Variants in GABPB2 observed in about 807,000 individuals in gnomAD.
GABPB2 encodes GA binding protein transcription factor subunit beta 2.
Under a neutral mutation model 39.1 loss-of-function variants are expected in GABPB2, and 23 were observed. That is an observed-to-expected ratio of 0.59 (90% CI 0.42 to 0.83). The LOEUF is 0.83. GABPB2 is among the 40% of genes least tolerant of loss of function. GABPB2 has a pLI of 0.00. For missense variants in GABPB2, 467 were observed against 541.1 expected (o/e 0.86, Z 1.36); for synonymous variants, 184 against 199.3 (o/e 0.92, Z 0.65).
chr1:151,117,750 A>G (rs910954167), intron 8 of GABPB2, among the ~76,000 whole-genome samples: 6 of 152,014 alleles, frequency 3.9e-5, no homozygotes, highest in African/African-American at 1.4e-4. Context: ...TGCCTGGCTA[A>G]TTTTTGTATT....
At position 151,124,120 on chromosome 1, in the gene GABPB2, A is replaced by G. The variant is rs1464916623; in HGVS notation, c.*5864A>G. ...AAAAAAAAAAGAAAGAAAAAGGAAAAAAAGAAATATCAGTTTGAGAAATGA... is the reference window on the plus strand; with the variant it reads ...AAAAAAAAAAGAAAGAAAAAGGAAAGAAAGAAATATCAGTTTGAGAAATGA... On this transcript the variant is annotated 3_prime_UTR_variant, in exon 9 of 9. Coordinates refer to ENST00000368918, the MANE Select transcript of GABPB2 (RefSeq NM_144618.3). 6.7e-6 allele frequency: 1 copy of G among 148,582 alleles called. No homozygotes were observed. Among genetic ancestry groups the G allele is most frequent in the Non-Finnish European group, 1.5e-5 (1 of 67,260 alleles). 9.2% of individuals were successfully genotyped at this position (148,582 alleles called of 1,614,324 possible).
In GABPB2 at chr1:151,122,441, T is replaced by C. The variant is rs1226358338; in HGVS notation, c.*4185T>C. On this transcript the variant is annotated 3_prime_UTR_variant, in exon 9 of 9. Transcript: ENST00000368918. ...GAACCAGGTGCTAACAAGAAGCTGT[T>C]ATGTGTGGGATTTCGGAGCCTTACT... 1.3e-5 allele frequency: 2 copies of C among 152,188 alleles called. No homozygotes were observed. The highest frequency in any genetic ancestry group is 2.1e-4 in the South Asian group (1 of 4,822). The allele number at this position is 152,188 out of a possible 1,614,324, so 9.4% of individuals were successfully genotyped here. A position where few individuals can be genotyped will look rare whatever the true frequency, so the allele number is the denominator to read the frequency against.
At chr1:151,103,279 G>C (rs1331510555) in intron 5 of GABPB2, among the ~76,000 whole-genome samples, 1 of 151,636 alleles carries the variant, frequency 6.6e-6, no homozygotes, top group Non-Finnish European at 1.5e-5. Flanking sequence ...TTGAACTCCT[G>C]ACCTCGTGAT....
At chr1:151,105,405 G>GTATATCAAATATATATACAAATATA (rs1489030840) in intron 6 of GABPB2, among the ~76,000 whole-genome samples, 25 of 147,576 alleles carry the variant, frequency 1.7e-4, no homozygotes, top group African/African-American at 5.4e-4. Flanking sequence ...TATATCAAAT[G>GTATATCAAATATATATACAAATATA]TATATCAAAT....
At chr1:151,073,502 C>G (rs1676893406) in intron 1 of GABPB2, among the ~76,000 whole-genome samples, 1 of 152,168 alleles carries the variant, frequency 6.6e-6, no homozygotes, top group South Asian at 2.1e-4. Flanking sequence ...GTATTGACCA[C>G]CTGCCAGAAC....
chr1:151,072,209 G>T (rs373801248), intron 1 of GABPB2, among the ~76,000 whole-genome samples: 2 of 152,192 alleles, frequency 1.3e-5, no homozygotes, highest in East Asian at 1.9e-4. Context: ...GTACTTTGTT[G>T]TCAAGAGCTC....
At chr1:151,081,124 C>T (rs918670245) in intron 1 of GABPB2, among the ~76,000 whole-genome samples, 7 of 151,302 alleles carry the variant, frequency 4.6e-5, no homozygotes, top group South Asian at 2.1e-4. Flanking sequence ...CCGCCCGTCT[C>T]GGCCTCCCAA....
At chr1:151,116,668 C>T (rs1185021097) in intron 7 of GABPB2, among the ~76,000 whole-genome samples, 4 of 151,934 alleles carry the variant, frequency 2.6e-5, no homozygotes, top group East Asian at 3.9e-4. Flanking sequence ...AGTGCAGTCG[C>T]GAGTTCTTGG....
intron 1 of GABPB2, among the ~76,000 whole-genome samples, chr1:151,076,849 A>C (rs1462659559): frequency 4.1e-5 from 6 of 144,730 alleles, no homozygotes; most frequent in Non-Finnish European, 7.5e-5. Flanking sequence ...GCTGGAGTGC[A>C]GTGGCGCAAT....
chr1:151,084,933 A>C (rs75254287), intron 1 of GABPB2, among the ~76,000 whole-genome samples: 3,703 of 151,988 alleles, frequency 0.024, 105 homozygotes, highest in African/African-American at 0.074. Flanking sequence ...CTGTCTCTAC[A>C]AAAAATTTAA....
At chr1:151,072,810 G>T (rs587741871) in intron 1 of GABPB2, among the ~76,000 whole-genome samples, 3 of 152,316 alleles carry the variant, frequency 2.0e-5, no homozygotes, top group African/African-American at 7.2e-5. Flanking sequence ...TCGCGCCATT[G>T]TACTCCAGCT....
intron 1 of GABPB2, among the ~76,000 whole-genome samples, chr1:151,085,847 A>C (rs1678139895): frequency 2.0e-5 from 3 of 152,278 alleles, no homozygotes; most frequent in South Asian, 4.1e-4. Context: ...TTTATGTCGG[A>C]TAGGCACAGT....
In GABPB2 at chr1:151,117,286, AC is replaced by A. The variant is rs1680948913; in HGVS notation, c.923-103del. The A allele has an allele frequency of 2.9e-5, 36 of 1,235,438 alleles. No homozygotes were observed. The East Asian group carries it at 8.3e-4, about 28-fold the overall frequency. 76.5% of individuals were successfully genotyped at this position (1,235,438 alleles called of 1,614,324 possible). On this transcript the variant is annotated intron_variant, in intron 7 of 8. Coordinates refer to ENST00000368918, the MANE Select transcript of GABPB2 (RefSeq NM_144618.3). ...TAGGACCACAGGCACACACCACTGTACCCAACCTAGAATATATTTTAGTTTA... is the reference window on the plus strand; with the variant it reads ...TAGGACCACAGGCACACACCACTGTACCAACCTAGAATATATTTTAGTTTA...
chr1:151,078,272 G>GAA (rs749005394), intron 1 of GABPB2, among the ~76,000 whole-genome samples: 2 of 95,196 alleles, frequency 2.1e-5, no homozygotes, highest in South Asian at 3.3e-4. Context: ...ACTTCAACTC[G>GAA]AAAAAAAAAA....
At chr1:151,113,807 C>T (rs917904713) in intron 7 of GABPB2, among the ~76,000 whole-genome samples, 1 of 152,170 alleles carries the variant, frequency 6.6e-6, no homozygotes, top group Non-Finnish European at 1.5e-5. Context: ...CATGAGCCAC[C>T]GTGCCCATCC....
Position 151,120,518 on chromosome 1 carries a change from A to G in GABPB2, c.*2262A>G, listed in dbSNP as rs1398298371. The G allele has an allele frequency of 6.6e-6, 1 of 152,112 alleles. No homozygotes were observed. Among genetic ancestry groups the G allele is most frequent in the African/African-American group, 2.4e-5 (1 of 41,438 alleles). The allele number at this position is 152,112 out of a possible 1,614,324, so 9.4% of individuals were successfully genotyped here. ...AGAGTGAAACTCAATTAAAAAAAAA[A>G]TAGAAAAGAAAGAAAACTTGTTTAT... On this transcript the variant is annotated 3_prime_UTR_variant, in exon 9 of 9. Coordinates refer to ENST00000368918, the MANE Select transcript of GABPB2 (RefSeq NM_144618.3).
At chr1:151,083,736 A>T (rs1571904182) in intron 1 of GABPB2, among the ~76,000 whole-genome samples, 1 of 149,996 alleles carries the variant, frequency 6.7e-6, no homozygotes, top group South Asian at 2.1e-4. Context: ...TATTTTATTC[A>T]TTTATTTGTT....
chr1:151,113,515 C>T (rs1442021015), intron 7 of GABPB2, among the ~76,000 whole-genome samples: 2 of 151,592 alleles, frequency 1.3e-5, no homozygotes, highest in African/African-American at 2.4e-5. Flanking sequence ...CATGAGCTAC[C>T]GTGTCTGGCC....
At chr1:151,082,082 T>C (rs587761448) in intron 1 of GABPB2, among the ~76,000 whole-genome samples, 6 of 149,778 alleles carry the variant, frequency 4.0e-5, no homozygotes, top group African/African-American at 7.3e-5. Context: ...TTTTCTTTTT[T>C]TTTTTTTTTT....
Sources: gnomAD v4.1 joint callset for allele counts (sites outside exome capture counted in the v4.1 genomes callset) on GRCh38, gnomAD v4.1.1 for gene constraint, MANE v1.5 for transcripts, NCBI Gene and HGNC (gene_info 2026-07-23, HGNC 2026-07-21) for gene names.